CD3G: variants seen among roughly 807,000 people sequenced by gnomAD.
CD3G encodes CD3 gamma subunit of T-cell receptor complex, also known as T-cell surface glycoprotein CD3 gamma chain.
CD3G carries 24 observed loss-of-function variants against 28.3 expected under a neutral mutation model. That is an observed-to-expected ratio of 0.85 (90% confidence interval 0.61 to 1.19). CD3G has a LOEUF of 1.19. Among genes scored for constraint, CD3G ranks in the 50% most tolerant of loss-of-function variants. CD3G has a pLI of 0.00. For synonymous variants in CD3G, 71 were observed against 75.9 expected (o/e 0.93, Z 0.34); for missense variants, 211 against 210.0 (o/e 1.00, Z -0.03).
chr11:118,350,834 G>A, intron 4 of CD3G, 151 bp downstream of exon 4: 1 of 1,434,444 alleles, frequency 7.0e-7, no homozygotes, highest in South Asian at 1.2e-5. Flanking sequence ...CAGGAGAAAG[G>A]ATACTTGGTG....
chr11:118,349,973 AT>A lies in CD3G; in HGVS notation c.307+4del. The A allele has an allele frequency of 6.3e-7, 1 of 1,595,612 alleles. No individual in the cohort carries two copies. Among genetic ancestry groups the A allele is most frequent in the Non-Finnish European group, 8.6e-7 (1 of 1,163,286 alleles). On this transcript the variant is annotated splice_donor_region_variant and intron_variant, in intron 3 of 6. Coordinates refer to ENST00000532917, the MANE Select transcript of CD3G (RefSeq NM_000073.3). Reference sequence around the variant, plus strand: ...ACCACTCCAAGTGTATTACAGAAGTATGTAATCCCCTTTGGTCTGTTTGTTG... The same window carrying A: ...ACCACTCCAAGTGTATTACAGAAGTAGTAATCCCCTTTGGTCTGTTTGTTG...
chr11:118,352,567 C>T (rs1008479113), intron 6 of CD3G, 80 bp downstream of exon 6: 12 of 950,182 alleles, frequency 1.3e-5, no homozygotes, highest in Middle Eastern at 2.1e-4. Context: ...TAGCTCCCTT[C>T]CCTAAGCGGC....
chr11:118,349,625 T>A, intron 2 of CD3G, 118 bp from the exon 3 acceptor site: 2 of 817,852 alleles, frequency 2.4e-6, no homozygotes, highest in Non-Finnish European at 4.2e-6. Context: ...GATCCCCATG[T>A]GATTCATGTG....
chr11:118,346,823 CA>C (rs34736081), intron 1 of CD3G, among the ~76,000 whole-genome samples: 26,142 of 106,530 alleles, frequency 0.25, 2,887 homozygotes, highest in East Asian at 0.53. Flanking sequence ...AAAGATGTCT[CA>C]AAAAAAAAAA....
In CD3G at chr11:118,352,975, A is replaced by G. The variant is rs778385837; in HGVS notation, c.*19-144A>G. On this transcript the variant is annotated intron_variant, in intron 6 of 6. Coordinates refer to ENST00000532917, the MANE Select transcript of CD3G (RefSeq NM_000073.3). Reference sequence around the variant, plus strand: ...GCAAAATCACCCTTAGTTAAGAACCACTAACCCATATTAACCTTCCAATCA... The same window carrying G: ...GCAAAATCACCCTTAGTTAAGAACCGCTAACCCATATTAACCTTCCAATCA... The G allele has an allele frequency of 2.3e-5, 4 of 177,256 alleles. No individual in the cohort carries two copies. The East Asian group carries it at 5.3e-4, about 24-fold the overall frequency. 11.0% of individuals were successfully genotyped at this position (177,256 alleles called of 1,614,324 possible).
At chr11:118,349,324 T>G in intron 2 of CD3G, 19 of 1,375,240 alleles carry the variant, frequency 1.4e-5, no homozygotes, top group Admixed American at 3.0e-5. Context: ...AACCAGTAGG[T>G]ATTGGCGTCA....
At position 118,353,912 on chromosome 11, in the gene CD3G, TC is replaced by T. The variant is rs1386000827; in HGVS notation, c.*816del. On this transcript the variant is annotated 3_prime_UTR_variant, in exon 7 of 7. Coordinates refer to ENST00000532917, the MANE Select transcript of CD3G (RefSeq NM_000073.3). ...TTCTCAAGTACATATTATCCTCCCT[TC>T]CCCTATCTTTTAGACAAATGATATC... 1.3e-5 allele frequency: 2 copies of T among 152,268 alleles called. No individual in the cohort carries two copies. The highest frequency in any genetic ancestry group is 3.9e-4 in the East Asian group (2 of 5,188). 9.4% of individuals were successfully genotyped at this position (152,268 alleles called of 1,614,324 possible).
chr11:118,352,352 T>A, intron 5 of CD3G, 52 bp from the exon 6 acceptor site: 1 of 1,448,104 alleles, frequency 6.9e-7, no homozygotes, highest in Non-Finnish European at 9.7e-7. Flanking sequence ...ATGCATCAAA[T>A]TAATTAATAG....
Position 118,345,354 on chromosome 11 carries a change from A to G in CD3G, c.55+876A>G, listed in dbSNP as rs1948345951. Among the ~76,000 whole-genome samples the G allele has an allele frequency of 2.0e-5, 3 of 152,230 alleles. No individual in the cohort carries two copies. In the South Asian group the frequency reaches 6.2e-4, roughly 32 times the overall value. On this transcript the variant is annotated intron_variant, in intron 1 of 6. Coordinates refer to ENST00000532917, the MANE Select transcript of CD3G (RefSeq NM_000073.3). ...AAAATGTTAAAGAGAGCCCACTAAT[A>G]TAAGAATATATTTAAAAGTTTAAGT...
At chr11:118,349,237 GC>G in intron 2 of CD3G, 187 bp downstream of exon 2, 1 of 1,526,520 alleles carries the variant, frequency 6.6e-7, no homozygotes, top group African/African-American at 1.4e-5. Flanking sequence ...CTTGCCTGTA[GC>G]TAAGCATTTA....
intron 5 of CD3G, among the ~76,000 whole-genome samples, chr11:118,352,016 A>G (rs1283324939): frequency 6.6e-6 from 1 of 152,074 alleles, no homozygotes; most frequent in Non-Finnish European, 1.5e-5. Context: ...AATTCGAGAC[A>G]AGCCTGGCCA....
intron 4 of CD3G, chr11:118,350,897 AAAAAAAC>A (rs1305078836): frequency 2.5e-5 from 31 of 1,233,338 alleles, no homozygotes; most frequent in Middle Eastern, 6.7e-4. Flanking sequence ...GTGAAAAAAA[AAAAAAAC>A]AAAAACAGGC....
chr11:118,349,778 G>T lies in CD3G; in HGVS notation c.115G>T (p.Asp39Tyr). 6.2e-7 allele frequency: 1 copy of T among 1,614,100 alleles called. No homozygotes were observed. The highest frequency in any genetic ancestry group is 8.5e-7 in the Non-Finnish European group (1 of 1,179,976). The change falls in exon 3 of 7, where the codon GAT becomes TAT. Residue 39 changes from aspartate (D) to tyrosine (Y), a missense_variant. By Grantham distance (160) the Asp-to-Tyr change is radical. Transcript: ENST00000532917. ...GGTTAAGGTGTATGACTATCAAGAA[G>T]ATGGTTCGGTACTTCTGACTTGTGA... ...HLVKVYDYQEDGSVLLTCDAE... is the reference protein window; with the variant it reads ...HLVKVYDYQEYGSVLLTCDAE...
chr11:118,346,539 G>A (rs766217285), intron 1 of CD3G, among the ~76,000 whole-genome samples: 4 of 152,136 alleles, frequency 2.6e-5, no homozygotes, highest in Non-Finnish European at 5.9e-5. Flanking sequence ...CAATCAGCCA[G>A]GCACAGTGGC....
At chr11:118,347,578 C>T (rs1427301171) in intron 1 of CD3G, among the ~76,000 whole-genome samples, 1 of 152,120 alleles carries the variant, frequency 6.6e-6, no homozygotes, top group Non-Finnish European at 1.5e-5. Flanking sequence ...TGCCAGATCT[C>T]TGTAATATGT....
At chr11:118,349,093 G>A in intron 2 of CD3G, 43 bp downstream of exon 2, 1 of 1,614,092 alleles carries the variant, frequency 6.2e-7, no homozygotes, top group Non-Finnish European at 8.5e-7. Context: ...TCAGAATATT[G>A]ACGGAAATTT....
intron 2 of CD3G, 174 bp downstream of exon 2, chr11:118,349,224 C>G: frequency 2.6e-6 from 4 of 1,554,090 alleles, no homozygotes; most frequent in Non-Finnish European, 3.5e-6. Flanking sequence ...CTGTTCCGGG[C>G]AGCTTGCCTG....
In CD3G at chr11:118,349,581, C is replaced by T. The variant is rs190057475; in HGVS notation, c.80-162C>T. The T allele has an allele frequency of 7.4e-4, 524 of 703,588 alleles. 6 individuals are homozygous for T. The African/African-American group carries it at 8.5e-3, about 11-fold the overall frequency. 43.6% of individuals were successfully genotyped at this position (703,588 alleles called of 1,614,324 possible). A position where few individuals can be genotyped will look rare whatever the true frequency, so the allele number is the denominator to read the frequency against. ...TTAGTAATGCAGAATCTCCCCTCCC[C>T]AGAACTACTAAATAGCACCTGAAAT... On this transcript the variant is annotated intron_variant, in intron 2 of 6. Transcript: ENST00000532917.
At chr11:118,345,796 A>C (rs1203501562) in intron 1 of CD3G, among the ~76,000 whole-genome samples, 4 of 152,198 alleles carry the variant, frequency 2.6e-5, no homozygotes, top group Admixed American at 6.5e-5. Context: ...AAGGAAGCTA[A>C]AGGAGAAAGG....
Sources: allele counts gnomAD v4.1 joint callset (sites outside exome capture counted in the v4.1 genomes callset), GRCh38; gene constraint gnomAD v4.1.1; transcripts MANE v1.5; gene names NCBI Gene and HGNC (gene_info 2026-07-23, HGNC 2026-07-21).